MAP3K8: variants seen among roughly 807,000 people sequenced by gnomAD.
MAP3K8 encodes the protein mitogen-activated protein kinase kinase kinase 8.
MAP3K8 carries 22 observed loss-of-function variants against 45.8 expected under a neutral mutation model. That is an observed-to-expected ratio of 0.48 (90% CI 0.34 to 0.69). The LOEUF is 0.69. Ranked by LOEUF, MAP3K8 falls within the 30% of genes least tolerant of loss-of-function variation. The pLI is 0.01. For synonymous variants in MAP3K8, 223 were observed against 214.3 expected (o/e 1.04, Z -0.36); for missense variants, 419 against 585.0 (o/e 0.72, Z 2.93).
chr10:30,434,641 A>G (rs1835854019), intron 1 of MAP3K8: 2 of 985,846 alleles, frequency 2.0e-6, no homozygotes, highest in Non-Finnish European at 2.4e-6. Flanking sequence ...CCGCAGCGCC[A>G]GGGCAGTGCT....
At chr10:30,453,521 T>A (rs1014267386) in intron 6 of MAP3K8, among the ~76,000 whole-genome samples, 1 of 152,172 alleles carries the variant, frequency 6.6e-6, no homozygotes, top group Non-Finnish European at 1.5e-5. Context: ...GTTCGCGGGC[T>A]TCCAAGTAAT....
intron 1 of MAP3K8, among the ~76,000 whole-genome samples, chr10:30,435,678 G>A (rs778801307): frequency 1.3e-5 from 2 of 152,028 alleles, no homozygotes; most frequent in African/African-American, 2.4e-5. Flanking sequence ...TCAGCCTCCC[G>A]AGTAGCTGGG....
chr10:30,456,916 T>C (rs1186313756), intron 6 of MAP3K8, among the ~76,000 whole-genome samples: 1 of 152,064 alleles, frequency 6.6e-6, no homozygotes, highest in African/African-American at 2.4e-5. Flanking sequence ...AAACCCCATC[T>C]CTACTAAAAA....
chr10:30,438,151 T>C (rs1835973723), intron 2 of MAP3K8, among the ~76,000 whole-genome samples: 1 of 152,210 alleles, frequency 6.6e-6, no homozygotes, highest in Non-Finnish European at 1.5e-5. Context: ...AGGCCATTTA[T>C]TTAGATATTA....
chr10:30,446,549 A>AAAG (rs1218643293), intron 3 of MAP3K8, among the ~76,000 whole-genome samples: 3 of 151,282 alleles, frequency 2.0e-5, no homozygotes, highest in African/African-American at 7.3e-5. Flanking sequence ...AAAAAAAAAA[A>AAAG]AAGAAGAAGA....
At chr10:30,434,683 C>T in intron 1 of MAP3K8, 5 of 985,546 alleles carry the variant, frequency 5.1e-6, no homozygotes, top group Non-Finnish European at 4.8e-6. Context: ...AGCGGGGACC[C>T]GCTGTCACTG....
intron 6 of MAP3K8, among the ~76,000 whole-genome samples, chr10:30,455,637 C>T (rs1374538079): frequency 6.6e-6 from 1 of 152,154 alleles, no homozygotes; most frequent in Non-Finnish European, 1.5e-5. Flanking sequence ...TCTAAGTCTG[C>T]TTGGTTTTAC....
intron 4 of MAP3K8, 32 bp downstream of exon 4, chr10:30,447,981 G>A: frequency 6.4e-7 from 1 of 1,564,848 alleles, no homozygotes; most frequent in Non-Finnish European, 8.6e-7. Context: ...AACCCACACT[G>A]TGTGTTTGGC....
chr10:30,456,501 C>T (rs757972479), intron 6 of MAP3K8, among the ~76,000 whole-genome samples: 1 of 152,048 alleles, frequency 6.6e-6, no homozygotes, highest in East Asian at 1.9e-4. Context: ...TAAGCTAGTT[C>T]TCTAATTACT....
rs150841663 is a variant in MAP3K8 at position 30,460,713 on chromosome 10, G to C, written c.1281G>C (p.Ser427=). The C allele has an allele frequency of 2.7e-5, 44 of 1,604,094 alleles. No individual in the cohort carries two copies. Among genetic ancestry groups the C allele is most frequent in the Non-Finnish European group, 3.5e-5 (41 of 1,175,212 alleles). The change falls in exon 9 of 9, where the codon TCG becomes TCC. Residue 427 remains serine (S), a synonymous_variant. Transcript: ENST00000263056. ...LELPENIADS[S]CTGSTEESEM... ...TAATGTTTTCCTTTTCAGATTCTTCGTGCACAGGAAGCACCGAGGAATCTG... is the reference window on the plus strand; with the variant it reads ...TAATGTTTTCCTTTTCAGATTCTTCCTGCACAGGAAGCACCGAGGAATCTG...
intron 3 of MAP3K8, among the ~76,000 whole-genome samples, chr10:30,440,372 G>GGT (rs1253428675): frequency 4.6e-5 from 7 of 152,138 alleles, no homozygotes; most frequent in Non-Finnish European, 8.8e-5. Flanking sequence ...GGGGAAAGTC[G>GGT]GTGCTGAATG....
At position 30,451,711 on chromosome 10, in the gene MAP3K8, T is replaced by C. The variant is rs1019779505; in HGVS notation, c.840T>C (p.Asp280=). The C allele has an allele frequency of 1.3e-6, 2 of 1,594,068 alleles. No homozygotes were observed. The highest frequency in any genetic ancestry group is 1.7e-6 in the Non-Finnish European group (2 of 1,167,962). Residue 280 remains aspartate (D), a synonymous_variant, in exon 6 of 9, where the codon GAT becomes GAC. Transcript: ENST00000263056. The part of the protein sequence containing the change: ...DFGLSVQMTE[D]VYFPKDLRGT... Reference sequence around the variant, plus strand: ...GCCTAAGTGTTCAAATGACCGAAGATGTCTATTTTCCTAAGGACCTCCGAG... The same window carrying C: ...GCCTAAGTGTTCAAATGACCGAAGACGTCTATTTTCCTAAGGACCTCCGAG...
In MAP3K8 at chr10:30,461,624, T is replaced by C. The variant is rs1836942568; in HGVS notation, c.*788T>C. ...TTGTAATTCTTATGACTAAATTTTC[T>C]TTTAAGCATTTGTATATTAAAATAG... On this transcript the variant is annotated 3_prime_UTR_variant, in exon 9 of 9. Transcript: ENST00000263056. 1 of 187,566 alleles carries C rather than the reference T, an allele frequency of 5.3e-6. No individual in the cohort carries two copies. The highest frequency in any genetic ancestry group is 2.3e-5 in the African/African-American group (1 of 42,770). The allele number at this position is 187,566 out of a possible 1,614,324, so 11.6% of individuals were successfully genotyped here.
intron 6 of MAP3K8, among the ~76,000 whole-genome samples, chr10:30,452,637 C>A (rs924863958): frequency 6.6e-6 from 1 of 150,796 alleles, no homozygotes; most frequent in Non-Finnish European, 1.5e-5. Context: ...AAAAAAAAAG[C>A]CCCCCAAAAT....
chr10:30,439,545 C>T (rs1836028570), intron 3 of MAP3K8: 1 of 677,996 alleles, frequency 1.5e-6, no homozygotes, highest in Non-Finnish European at 2.4e-6. Flanking sequence ...TGCAGGGGCT[C>T]ACGCCTGTAA....
At chr10:30,459,151 G>A (rs1227681343) in intron 7 of MAP3K8, 104 bp from the exon 8 acceptor site, 1 of 1,238,820 alleles carries the variant, frequency 8.1e-7, no homozygotes, top group African/African-American at 1.5e-5. Context: ...TGCAGGGCAT[G>A]TGGTGGAAAA....
chr10:30,443,735 A>C (rs1411761085), intron 3 of MAP3K8, among the ~76,000 whole-genome samples: 1 of 123,588 alleles, frequency 8.1e-6, no homozygotes, highest in African/African-American at 2.6e-5. Flanking sequence ...ATAATACTTA[A>C]AGAGTTTTCT....
chr10:30,448,599 A>AT (rs8177002), intron 4 of MAP3K8, among the ~76,000 whole-genome samples: 51 of 151,596 alleles, frequency 3.4e-4, no homozygotes, highest in African/African-American at 1.2e-3. Flanking sequence ...TGCCCAGCTA[A>AT]TTTTTTGTAT....
At chr10:30,435,742 C>T (rs1201329052) in intron 1 of MAP3K8, among the ~76,000 whole-genome samples, 1 of 152,156 alleles carries the variant, frequency 6.6e-6, no homozygotes, top group African/African-American at 2.4e-5. Context: ...CAGGGTTTCA[C>T]CATGTTGGCC....
Sources: allele counts gnomAD v4.1 joint callset (sites outside exome capture counted in the v4.1 genomes callset), GRCh38; gene constraint gnomAD v4.1.1; transcripts MANE v1.5; gene names NCBI Gene and HGNC (gene_info 2026-07-23, HGNC 2026-07-21).